Variants in SORL1 observed in about 807,000 individuals in gnomAD.
The protein encoded by SORL1 is sortilin related receptor 1.
Under a neutral mutation model 273.7 loss-of-function variants are expected in SORL1, and 127 were observed. The ratio of observed to expected loss-of-function variants is 0.46; its 90% CI spans 0.40 to 0.54. The LOEUF is 0.54. Among genes scored for constraint, SORL1 ranks in the 20% least tolerant of loss-of-function variants. SORL1 has a pLI of 0.00. For missense variants in SORL1, 2,494 were observed against 2,846.1 expected (o/e 0.88, Z 2.81); for synonymous variants, 1,031 against 1,067.4 (o/e 0.97, Z 0.66).
intron 11 of SORL1, among the ~76,000 whole-genome samples, chr11:121,529,251 C>T (rs1339886864): frequency 6.6e-6 from 1 of 152,172 alleles, no homozygotes; most frequent in Non-Finnish European, 1.5e-5. Context: ...GTGTCTTACT[C>T]TGTCACCCAG....
At chr11:121,469,920 C>A in intron 1 of SORL1, 87 bp from the exon 2 acceptor site, 3 of 965,636 alleles carry the variant, frequency 3.1e-6, no homozygotes, top group Non-Finnish European at 5.0e-6. Context: ...ATCATTTCTG[C>A]TTGACAAAGG....
At chr11:121,478,567 A>G (rs1469695668) in intron 3 of SORL1, among the ~76,000 whole-genome samples, 1 of 152,232 alleles carries the variant, frequency 6.6e-6, no homozygotes, top group Non-Finnish European at 1.5e-5. Flanking sequence ...TACACTGAGA[A>G]TAACCTTGCA....
intron 2 of SORL1, among the ~76,000 whole-genome samples, chr11:121,474,037 C>G (rs1247403793): frequency 1.3e-5 from 2 of 152,208 alleles, no homozygotes; most frequent in Non-Finnish European, 2.9e-5. Flanking sequence ...TTCTTGCTAA[C>G]AGAGGGAGGC....
At chr11:121,573,779 A>C (rs140913523) in intron 23 of SORL1, among the ~76,000 whole-genome samples, 1 of 152,348 alleles carries the variant, frequency 6.6e-6, no homozygotes, top group Non-Finnish European at 1.5e-5. Flanking sequence ...CTGACTGCAG[A>C]CAGAGCCTAT....
intron 5 of SORL1, among the ~76,000 whole-genome samples, chr11:121,492,555 G>C (rs1861569762): frequency 6.6e-6 from 1 of 152,092 alleles, no homozygotes; most frequent in Non-Finnish European, 1.5e-5. Context: ...TAGAATGAAA[G>C]CTTCCCAAGG....
At chr11:121,574,859 G>A (rs1862903986) in intron 24 of SORL1, among the ~76,000 whole-genome samples, 1 of 152,184 alleles carries the variant, frequency 6.6e-6, no homozygotes, top group African/African-American at 2.4e-5. Context: ...AATTCAGGGG[G>A]TTATTAACAG....
In SORL1 at chr11:121,583,573, A is replaced by G; in HGVS notation, c.3696A>G (p.Pro1232=). The G allele has an allele frequency of 6.2e-7, 1 of 1,608,820 alleles. No individual in the cohort carries two copies. Among genetic ancestry groups the G allele is most frequent in the Non-Finnish European group, 8.5e-7 (1 of 1,177,588 alleles). ...GCCAGGATGGTTCCGATGAGGATCC[A>G]GTCAACTGTGGTAAATGCAAATTCC... ...TDCQDGSDED[P]VNCEKKCNGF... The change falls in exon 26 of 48, where the codon CCA becomes CCG. Residue 1232 remains proline (P), a synonymous_variant. Transcript: ENST00000260197.
At chr11:121,621,386 T>C (rs1158815696) in intron 44 of SORL1, 148 bp downstream of exon 44, 9 of 703,364 alleles carry the variant, frequency 1.3e-5, no homozygotes, top group Non-Finnish European at 2.1e-5. Flanking sequence ...GGCAGAGTAG[T>C]GCAGAGGCTC....
At chr11:121,454,506 AGATT>A (rs1436723354) in intron 1 of SORL1, among the ~76,000 whole-genome samples, 1 of 152,204 alleles carries the variant, frequency 6.6e-6, no homozygotes, top group African/African-American at 2.4e-5. Flanking sequence ...TGGGCCAGCC[AGATT>A]GAGTTTGGTT....
rs373564838 is a variant in SORL1, at chr11:121,595,721, C to T, written c.4468C>T (p.Arg1490Cys). ...QPKTCIPNWK[R>C]CDGHQDCQDG... ...GAAGACGTGTATTCCCAACTGGAAG[C>T]GCTGTGACGGCCACCAAGATTGCCA... is the stretch of plus-strand genomic sequence containing the variant. Residue 1490 changes from arginine (R) to cysteine (C), a missense_variant, in exon 32 of 48, where the codon CGC becomes TGC. Coordinates refer to ENST00000260197, the MANE Select transcript of SORL1 (RefSeq NM_003105.6). The surrounding 1 kb of genome is among the most constrained non-coding windows in gnomAD (Gnocchi z 5.1). The T allele has an allele frequency of 8.7e-5, 141 of 1,614,012 alleles. No homozygotes were observed. The highest frequency in any genetic ancestry group is 1.6e-4 in the Middle Eastern group (1 of 6,062).
chr11:121,498,625 C>A (rs565225413), intron 6 of SORL1, among the ~76,000 whole-genome samples: 3 of 152,206 alleles, frequency 2.0e-5, no homozygotes, highest in African/African-American at 7.2e-5. Context: ...CCTGTAATCC[C>A]AGCACTTTGG....
At position 121,543,679 on chromosome 11, in the gene SORL1, A is replaced by T; in HGVS notation, c.1817A>T (p.Asn606Ile). Reference sequence around the variant, plus strand: ...ACCATCTTTGGCTCGAACAAAGAGAATGTCCACAGCTGGCTGATCCTCCAG... The same window carrying T: ...ACCATCTTTGGCTCGAACAAAGAGATTGTCCACAGCTGGCTGATCCTCCAG... ...VFTIFGSNKENVHSWLILQVN... is the reference protein window; with the variant it reads ...VFTIFGSNKEIVHSWLILQVN... Residue 606 changes from asparagine to isoleucine, a missense_variant, in exon 13 of 48, where the codon AAT (asparagine) becomes ATT (isoleucine). Asn to Ile is a moderately radical substitution (Grantham distance 149). Transcript: ENST00000260197. The T allele has an allele frequency of 1.2e-6, 2 of 1,614,132 alleles. No individual in the cohort carries two copies. Among genetic ancestry groups the T allele is most frequent in the Non-Finnish European group, 1.7e-6 (2 of 1,180,002 alleles).
At chr11:121,463,306 T>G (rs1861031526) in intron 1 of SORL1, among the ~76,000 whole-genome samples, 1 of 152,114 alleles carries the variant, frequency 6.6e-6, no homozygotes, top group Non-Finnish European at 1.5e-5. Flanking sequence ...ATTATGTTCA[T>G]GAGAAAGAGA....
At chr11:121,505,460 T>C (rs1861774424) in intron 6 of SORL1, among the ~76,000 whole-genome samples, 1 of 152,022 alleles carries the variant, frequency 6.6e-6, no homozygotes, top group African/African-American at 2.4e-5. Flanking sequence ...TTATTCCTAC[T>C]GTAATCTTTA....
At chr11:121,535,609 G>T (rs948917717) in intron 12 of SORL1, among the ~76,000 whole-genome samples, 1 of 151,768 alleles carries the variant, frequency 6.6e-6, no homozygotes. Context: ...AGTAGCATTA[G>T]TAACTCAAAT....
chr11:121,592,092 C>T (rs1863224258), intron 31 of SORL1, among the ~76,000 whole-genome samples: 1 of 152,214 alleles, frequency 6.6e-6, no homozygotes, highest in Non-Finnish European at 1.5e-5. Flanking sequence ...GGATTCCTTA[C>T]ATCAGCCAAG....
At chr11:121,558,178 T>G (rs1416753917) in intron 19 of SORL1, among the ~76,000 whole-genome samples, 1 of 152,218 alleles carries the variant, frequency 6.6e-6, no homozygotes, top group Admixed American at 6.5e-5. Context: ...GCACGCCAAA[T>G]AGGATTGTAG....
In SORL1 at chr11:121,558,810, G is replaced by T. The variant is rs759031383; in HGVS notation, c.2883G>T (p.Pro961=). The change falls in exon 20 of 48, where the codon CCG becomes CCT. Residue 961 remains proline, a synonymous_variant. Transcript: ENST00000260197. ...QQRSVILDNL[P]HPYAIAVFKN... The stretch of plus-strand genomic sequence containing the variant: ...GCTCTGTCATTCTGGACAACCTCCC[G>T]CACCCCTATGCCATTGCTGTCTTTA... 6 of 1,614,122 alleles carry T rather than the reference G, an allele frequency of 3.7e-6. No individual in the cohort carries two copies. The South Asian group carries it at 5.5e-5, about 15-fold the overall frequency.
At chr11:121,612,949 G>C in intron 40 of SORL1, 117 bp downstream of exon 40, 1 of 681,508 alleles carries the variant, frequency 1.5e-6, no homozygotes, top group Non-Finnish European at 2.6e-6. Context: ...TCTGGAAGCT[G>C]TTCTGTGTTG....
Sources: gnomAD v4.1 joint callset for allele counts (sites outside exome capture counted in the v4.1 genomes callset) on GRCh38, gnomAD v4.1.1 for gene constraint, Gnocchi (gnomAD v3.1) non-coding constraint, MANE v1.5 for transcripts, NCBI Gene and HGNC (gene_info 2026-07-23, HGNC 2026-07-21) for gene names.